Variants in OR56A3 observed in about 807,000 individuals in gnomAD.
OR56A3 encodes the protein olfactory receptor 56A3.
Under a neutral mutation model 17.5 loss-of-function variants are expected in OR56A3, and 23 were observed. The ratio of observed to expected loss-of-function variants is 1.32; its 90% CI spans 0.95 to 1.87. The LOEUF (loss-of-function observed/expected upper bound fraction) is 1.87, where lower values mean the gene tolerates loss of function less well. Ranked by LOEUF, OR56A3 falls within the 40% of genes most tolerant of loss-of-function variation. The pLI is 0.00. For synonymous variants in OR56A3, 175 were observed against 150.6 expected, an observed-to-expected ratio of 1.16 and a Z score of -1.19; for missense variants, 366 against 380.1, an observed-to-expected ratio of 0.96 and a Z score of 0.31.
chr11:5,956,151 C>A (rs149830457), downstream of OR56A3, among the ~76,000 whole-genome samples: 1 of 152,296 alleles, frequency 6.6e-6, no homozygotes, highest in East Asian at 1.9e-4. Flanking sequence ...ATGATGTTAT[C>A]ATTCTCGAAC....
At chr11:6,005,701 A>G in the OR56A3 span, among the ~76,000 whole-genome samples, 1 of 152,206 alleles carries the variant, frequency 6.6e-6, no homozygotes, top group Non-Finnish European at 1.5e-5. Context: ...GTCTGGCTAG[A>G]GCTCATTTCT....
chr11:6,005,728 C>G, the OR56A3 span, among the ~76,000 whole-genome samples: 2 of 152,176 alleles, frequency 1.3e-5, no homozygotes, highest in African/African-American at 4.8e-5. Context: ...AGAGGTGGCA[C>G]CTTCTCATTG....
the OR56A3 span, among the ~76,000 whole-genome samples, chr11:6,016,593 A>G: frequency 6.6e-6 from 1 of 152,218 alleles, no homozygotes; most frequent in Admixed American, 6.5e-5. Context: ...TAAGGAAGCA[A>G]GAAGTGTGAA....
At chr11:6,007,158 G>C in the OR56A3 span, among the ~76,000 whole-genome samples, 1 of 152,188 alleles carries the variant, frequency 6.6e-6, no homozygotes, top group African/African-American at 2.4e-5. Flanking sequence ...CACTTGGGAA[G>C]TCTAATTAAC....
At chr11:5,958,307 A>G in the OR56A3 span, among the ~76,000 whole-genome samples, 3 of 152,196 alleles carry the variant, frequency 2.0e-5, no homozygotes, top group African/African-American at 7.2e-5. Context: ...GTGCCATAGC[A>G]TAACACCATG....
At chr11:5,995,080 C>T in the OR56A3 span, 143,809 of 597,144 alleles carry the variant, frequency 0.24, 19,117 homozygotes, top group Middle Eastern at 0.29. Context: ...GCTGACTGGC[C>T]GGGTGCCATA....
chr11:6,001,665 A>C, the OR56A3 span: 1 of 161,566 alleles, frequency 6.2e-6, no homozygotes, highest in Non-Finnish European at 1.3e-5. Flanking sequence ...GAGACAGGGA[A>C]GGAATCAGTG....
the OR56A3 span, among the ~76,000 whole-genome samples, chr11:6,004,369 A>G: frequency 1.3e-5 from 2 of 152,132 alleles, no homozygotes; most frequent in Non-Finnish European, 1.5e-5. Context: ...AAAAGAAAAA[A>G]GAGAGGGAGA....
the OR56A3 span, chr11:5,986,580 G>T: frequency 6.2e-7 from 1 of 1,613,974 alleles, no homozygotes; most frequent in Non-Finnish European, 8.5e-7. Context: ...AGAACATCTG[G>T]ATCAGGCAGA....
the OR56A3 span, among the ~76,000 whole-genome samples, chr11:5,991,337 G>A: frequency 2.0e-5 from 3 of 152,132 alleles, no homozygotes; most frequent in Non-Finnish European, 4.4e-5. Flanking sequence ...TTAGCTCTCA[G>A]CCCTCCCCTA....
rs766282469 is a variant in OR56A3, at chr11:5,948,074, G to T, written c.728G>T (p.Ser243Ile). ...KAEGAVAKAL[S>I]TCGSHFMLIL... ...GAGGGTGCCGTGGCAAAGGCCCTAA[G>T]CACATGTGGCTCCCACTTCATGCTC... The change falls in exon 3 of 3, where the codon AGC becomes ATC. Residue 243 changes from serine (S) to isoleucine (I), a missense_variant. Coordinates refer to ENST00000641160, the MANE Select transcript of OR56A3 (RefSeq NM_001003443.3). 1.4e-5 allele frequency: 22 copies of T among 1,614,092 alleles called. No homozygotes were observed. The highest frequency in any genetic ancestry group is 1.6e-4 in the Middle Eastern group (1 of 6,084).
the OR56A3 span, chr11:5,986,793 T>C: frequency 1.2e-6 from 2 of 1,614,032 alleles, no homozygotes; most frequent in South Asian, 1.1e-5. Context: ...CCAGGGGCAG[T>C]GCAATCCAGT....
chr11:5,997,204 T>C, the OR56A3 span, among the ~76,000 whole-genome samples: 1 of 152,196 alleles, frequency 6.6e-6, no homozygotes, highest in Non-Finnish European at 1.5e-5. Flanking sequence ...AAAGCAGGGC[T>C]ACAGCAGATT....
chr11:6,002,637 A>G, the OR56A3 span: 2 of 1,614,268 alleles, frequency 1.2e-6, no homozygotes, highest in Non-Finnish European at 1.7e-6. Context: ...GGCCATGACC[A>G]TGAACGTGCA....
chr11:5,967,863 C>A, the OR56A3 span: 1 of 1,571,376 alleles, frequency 6.4e-7, no homozygotes, highest in Non-Finnish European at 8.6e-7. Flanking sequence ...GAGGTCAGAG[C>A]CCAGCAGGGT....
the OR56A3 span, among the ~76,000 whole-genome samples, chr11:6,018,522 A>C: frequency 6.6e-6 from 1 of 152,128 alleles, no homozygotes; most frequent in South Asian, 2.1e-4. Flanking sequence ...ACAATATACC[A>C]AAAACTATGG....
At chr11:6,019,632 T>C in the OR56A3 span, 10 of 152,080 alleles carry the variant, frequency 6.6e-5, no homozygotes, top group South Asian at 2.1e-4. Context: ...ATTCATTCAC[T>C]ATCATGAGAA....
the OR56A3 span, among the ~76,000 whole-genome samples, chr11:5,980,132 C>T: frequency 4.0e-5 from 6 of 151,570 alleles, no homozygotes; most frequent in African/African-American, 1.5e-4. Flanking sequence ...GATTATGTAC[C>T]CTGTGCAGAG....
chr11:5,988,265 TA>T, the OR56A3 span, among the ~76,000 whole-genome samples: 1 of 152,314 alleles, frequency 6.6e-6, no homozygotes, highest in South Asian at 2.1e-4. Context: ...TATTCATCCA[TA>T]ACTTTCTGAC....
Sources: allele counts gnomAD v4.1 joint callset (sites outside exome capture counted in the v4.1 genomes callset), GRCh38; gene constraint gnomAD v4.1.1; transcripts MANE v1.5; gene names NCBI Gene and HGNC (gene_info 2026-07-23, HGNC 2026-07-21).